The following CFAP61 variants were observed in gnomAD, a reference collection of about 807,000 sequenced individuals.
CFAP61 encodes the protein cilia- and flagella-associated protein 61.
Under a neutral mutation model 135.6 loss-of-function variants are expected in CFAP61, and 107 were observed. The observed-to-expected ratio is 0.79, with a 90% CI of 0.67 to 0.93. CFAP61 has a LOEUF of 0.93. Among genes scored for constraint, CFAP61 ranks in the 40% least tolerant of loss-of-function variants. The pLI is 0.00. For synonymous variants in CFAP61, 575 were observed against 578.5 expected (o/e 0.99, Z 0.09); for missense variants, 1,507 against 1,556.2 (o/e 0.97, Z 0.53).
intron 13 of CFAP61, among the ~76,000 whole-genome samples, chr20:20,173,003 A>G (rs2328501): frequency 0.9 from 137,511 of 152,242 alleles, 62,927 homozygotes; most frequent in Middle Eastern, 0.99. Flanking sequence ...ATAATTTTAC[A>G]TTTACAGAAT....
intron 25 of CFAP61, among the ~76,000 whole-genome samples, chr20:20,313,161 A>C (rs373695332): frequency 1.2e-4 from 18 of 152,324 alleles, no homozygotes; most frequent in African/African-American, 4.3e-4. Context: ...AGAAAGAGAC[A>C]GATGTCACTC....
intron 8 of CFAP61, among the ~76,000 whole-genome samples, chr20:20,125,483 C>T (rs2049998308): frequency 6.6e-6 from 1 of 151,758 alleles, no homozygotes. Context: ...ATGCAATGCT[C>T]ATTCAGGAGC....
intron 24 of CFAP61, among the ~76,000 whole-genome samples, chr20:20,296,012 TCC>T (rs1569258287): frequency 1.1e-4 from 7 of 61,410 alleles, no homozygotes; most frequent in Non-Finnish European, 2.2e-4. Context: ...CTTCCTTCCC[TCC>T]TTTCCTTCCT....
chr20:20,074,341 G>A lies in CFAP61; in HGVS notation c.334G>A (p.Asp112Asn), dbSNP rs769886744. Reference protein sequence around the residue: ...TLFMHLFVAVDEYSVGCCKEI... With the variant: ...TLFMHLFVAVNEYSVGCCKEI... ...GTTCATGCACCTCTTTGTGGCCGTG[G>A]ATGAGTATTCTGTTGGCTGTTGCAA... The change falls in exon 4 of 27, where the codon GAT (aspartate) becomes AAT (asparagine). Residue 112 changes from aspartate (D) to asparagine (N), a missense_variant. Coordinates refer to ENST00000245957, the MANE Select transcript of CFAP61 (RefSeq NM_015585.4). The A allele has an allele frequency of 1.9e-6, 3 of 1,614,178 alleles. No individual in the cohort carries two copies. Among genetic ancestry groups the A allele is most frequent in the South Asian group, 1.1e-5 (1 of 91,088 alleles).
At chr20:20,106,021 T>C (rs879317288) in intron 8 of CFAP61, among the ~76,000 whole-genome samples, 3,736 of 63,368 alleles carry the variant, frequency 0.059, 289 homozygotes, top group African/African-American at 0.15. Context: ...TATATATATA[T>C]ATATATATAT....
At chr20:20,252,708 G>A (rs141306225) in intron 20 of CFAP61, among the ~76,000 whole-genome samples, 4 of 152,320 alleles carry the variant, frequency 2.6e-5, no homozygotes, top group African/African-American at 9.6e-5. Flanking sequence ...GATTCGATGC[G>A]AGCCTGTGTA....
At chr20:20,215,823 T>A (rs1239782480) in intron 17 of CFAP61, among the ~76,000 whole-genome samples, 12 of 151,986 alleles carry the variant, frequency 7.9e-5, no homozygotes. Context: ...TATATATATA[T>A]ATCATATTCA....
intron 25 of CFAP61, 44 bp from the exon 26 acceptor site, chr20:20,341,787 A>G: frequency 7.3e-7 from 1 of 1,378,342 alleles, no homozygotes; most frequent in Non-Finnish European, 1.0e-6. Flanking sequence ...ATTAGTGGTA[A>G]TGAGAGGGTT....
At chr20:20,336,707 G>T (rs2058204644) in intron 25 of CFAP61, among the ~76,000 whole-genome samples, 1 of 152,180 alleles carries the variant, frequency 6.6e-6, no homozygotes, top group South Asian at 2.1e-4. Flanking sequence ...CCAAGTGACT[G>T]AAGTTTGGCA....
chr20:20,233,540 G>A (rs2049330144), intron 18 of CFAP61, among the ~76,000 whole-genome samples: 1 of 152,134 alleles, frequency 6.6e-6, no homozygotes, highest in African/African-American at 2.4e-5. Context: ...ATCAGTTCTG[G>A]TGCAGAGGCT....
intron 17 of CFAP61, among the ~76,000 whole-genome samples, chr20:20,208,619 G>A (rs1477096944): frequency 6.6e-6 from 1 of 152,214 alleles, no homozygotes. Context: ...TGAATTTCTA[G>A]TCTTTCTGAA....
chr20:20,332,773 T>C (rs933135738), intron 25 of CFAP61, among the ~76,000 whole-genome samples: 1 of 152,018 alleles, frequency 6.6e-6, no homozygotes, highest in African/African-American at 2.4e-5. Flanking sequence ...CACCACCACG[T>C]CCAGCTAATT....
chr20:20,252,308 TA>T (rs11476977), intron 20 of CFAP61, among the ~76,000 whole-genome samples: 24,549 of 152,250 alleles, frequency 0.16, 2,579 homozygotes, highest in East Asian at 0.55. Flanking sequence ...CATTGCTGGA[TA>T]ACACTGAAGC....
chr20:20,086,895 C>T (rs935222906), intron 6 of CFAP61, among the ~76,000 whole-genome samples: 6 of 151,914 alleles, frequency 3.9e-5, no homozygotes, highest in Non-Finnish European at 7.4e-5. Flanking sequence ...GAAGAGTCAC[C>T]GGAGGGTGTA....
chr20:20,310,579 G>A (rs1354485309), intron 25 of CFAP61, among the ~76,000 whole-genome samples: 2 of 152,156 alleles, frequency 1.3e-5, no homozygotes, highest in African/African-American at 4.8e-5. Context: ...GCCAGTTATG[G>A]GTGCTTTATA....
intron 26 of CFAP61, among the ~76,000 whole-genome samples, chr20:20,353,700 G>A (rs536754414): frequency 1.6e-4 from 25 of 152,286 alleles, no homozygotes; most frequent in Admixed American, 5.2e-4. Flanking sequence ...AGGAAGCTAC[G>A]AGGACTTACT....
chr20:20,327,394 G>A (rs535561875), intron 25 of CFAP61, among the ~76,000 whole-genome samples: 2 of 152,230 alleles, frequency 1.3e-5, no homozygotes, highest in African/African-American at 2.4e-5. Context: ...CAGGAACTTC[G>A]AAGGCCAGTG....
chr20:20,102,102 G>C (rs8120749), intron 8 of CFAP61, among the ~76,000 whole-genome samples: 1 of 151,986 alleles, frequency 6.6e-6, no homozygotes, highest in African/African-American at 2.4e-5. Flanking sequence ...AGGCCACTCT[G>C]ACCTATGCAG....
chr20:20,216,016 A>G (rs911097593), intron 17 of CFAP61, among the ~76,000 whole-genome samples: 1 of 152,238 alleles, frequency 6.6e-6, no homozygotes, highest in African/African-American at 2.4e-5. Flanking sequence ...TAGTACATGC[A>G]TGGCTTAAAA....
Sources: allele counts gnomAD v4.1 joint callset (sites outside exome capture counted in the v4.1 genomes callset), GRCh38; gene constraint gnomAD v4.1.1; transcripts MANE v1.5; gene names NCBI Gene and HGNC (gene_info 2026-07-23, HGNC 2026-07-21).